Variants in ZDHHC2 observed in about 807,000 individuals in gnomAD.
The protein encoded by ZDHHC2 is zDHHC palmitoyltransferase 2.
A neutral mutation model predicts 55.6 loss-of-function variants in ZDHHC2; 51 were observed. The observed-to-expected ratio is 0.92, with a 90% confidence interval of 0.73 to 1.16. ZDHHC2 has a LOEUF of 1.16. Among genes scored for constraint, ZDHHC2 ranks in the 50% most tolerant of loss-of-function variants. The probability of loss-of-function intolerance (pLI) is 0.00; values close to 1 mark genes in which losing one functional copy is unlikely to be tolerated. For missense variants in ZDHHC2, 491 were observed against 442.4 expected, an observed-to-expected ratio of 1.11 and a Z score of -0.99; for synonymous variants, 199 against 152.9, an observed-to-expected ratio of 1.30 and a Z score of -2.22.
chr8:17,162,980 G>A (rs1804422306), intron 1 of ZDHHC2: 1 of 152,262 alleles, frequency 6.6e-6, no homozygotes, highest in Non-Finnish European at 1.5e-5. Flanking sequence ...TTAAGCAGCA[G>A]TGTTTGCCTC....
In ZDHHC2 at chr8:17,223,341, C is replaced by T. The variant is rs1426494027; in HGVS notation, c.*3120C>T. ...GATGGTGTCCTCCAGCACAACCATC[C>T]CACCCACACACCTAGACTACAGATT... On this transcript the variant is annotated 3_prime_UTR_variant, in exon 13 of 13. Transcript: ENST00000262096. 6.6e-6 allele frequency: 1 copy of T among 151,702 alleles called. No homozygotes were observed. The highest frequency in any genetic ancestry group is 1.5e-5 in the Non-Finnish European group (1 of 67,756). The allele number at this position is 151,702 out of a possible 1,614,324, so 9.4% of individuals were successfully genotyped here.
chr8:17,197,430 G>A (rs1160172714), intron 4 of ZDHHC2, among the ~76,000 whole-genome samples, 152 bp from the exon 5 acceptor site: 3 of 152,070 alleles, frequency 2.0e-5, no homozygotes, highest in Non-Finnish European at 1.5e-5. Flanking sequence ...TTCCATTTTT[G>A]TATTTAAACA....
chr8:17,202,663 G>A (rs1173867651), intron 6 of ZDHHC2, among the ~76,000 whole-genome samples: 1 of 151,826 alleles, frequency 6.6e-6, no homozygotes, highest in Admixed American at 6.6e-5. Flanking sequence ...GCCAAAAGCT[G>A]TCTATTGTGA....
At chr8:17,209,812 C>T (rs1807285800) in intron 8 of ZDHHC2, 120 bp from the exon 9 acceptor site, 1 of 1,212,214 alleles carries the variant, frequency 8.2e-7, no homozygotes, top group African/African-American at 1.6e-5. Flanking sequence ...CATAAGCCCT[C>T]ACAGTCAGCT....
chr8:17,199,953 C>CA (rs1806657577), intron 6 of ZDHHC2, among the ~76,000 whole-genome samples: 1 of 151,962 alleles, frequency 6.6e-6, no homozygotes, highest in Non-Finnish European at 1.5e-5. Context: ...GAGTCGGTTT[C>CA]ACCATATTGG....
chr8:17,174,365 T>C (rs1805020431), intron 1 of ZDHHC2, among the ~76,000 whole-genome samples: 1 of 152,166 alleles, frequency 6.6e-6, no homozygotes, highest in African/African-American at 2.4e-5. Context: ...ATGACAGCTG[T>C]AGCAAATACA....
rs560951348 is a variant in ZDHHC2 at position 17,201,177 on chromosome 8, C to T, written c.476+2764C>T. 2.6e-4 allele frequency among the ~76,000 whole-genome samples: 39 copies of T among 152,336 alleles called. 1 individual carries two copies. The highest frequency in any genetic ancestry group is 6.2e-4 in the South Asian group (3 of 4,832). ...TCCCAGTCCCTCTCCCCACCTTCTT[C>T]CACTATGCACAGAGAACCAGGATTG... On this transcript the variant is annotated intron_variant, in intron 6 of 12. Transcript: ENST00000262096.
chr8:17,160,179 C>T (rs534348930), intron 1 of ZDHHC2, among the ~76,000 whole-genome samples: 201 of 152,334 alleles, frequency 1.3e-3, no homozygotes, highest in Non-Finnish European at 1.8e-3. Flanking sequence ...TAAGTGCTAA[C>T]ATTTAAATTG....
Position 17,221,579 on chromosome 8 carries a change from A to G in ZDHHC2, c.*1358A>G, listed in dbSNP as rs946129056. The G allele has an allele frequency of 1.3e-5, 2 of 152,540 alleles. No homozygotes were observed. Among genetic ancestry groups the G allele is most frequent in the East Asian group, 3.9e-4 (2 of 5,186 alleles). 9.4% of individuals were successfully genotyped at this position (152,540 alleles called of 1,614,324 possible). A position where few individuals can be genotyped will look rare whatever the true frequency, so the allele number is the denominator to read the frequency against. On this transcript the variant is annotated 3_prime_UTR_variant, in exon 13 of 13. Coordinates refer to ENST00000262096, the MANE Select transcript of ZDHHC2 (RefSeq NM_016353.5). The stretch of plus-strand genomic sequence containing the variant: ...ATAAACTTTTCAAAATCTTTGTTAA[A>G]CCAAACATTCAACACAAAATAAACT...
chr8:17,183,153 A>G (rs1805522429), intron 1 of ZDHHC2, among the ~76,000 whole-genome samples: 1 of 152,210 alleles, frequency 6.6e-6, no homozygotes, highest in Admixed American at 6.5e-5. Context: ...TTTGTATGCA[A>G]GCACCAGCAC....
At chr8:17,186,848 G>A (rs369265255) in intron 3 of ZDHHC2, among the ~76,000 whole-genome samples, 6 of 152,306 alleles carry the variant, frequency 3.9e-5, no homozygotes, top group African/African-American at 1.4e-4. Context: ...AAAGTCTGTA[G>A]CTAGTCCACA....
At chr8:17,181,243 T>C (rs1805418132) in intron 1 of ZDHHC2, among the ~76,000 whole-genome samples, 1 of 152,216 alleles carries the variant, frequency 6.6e-6, no homozygotes, top group Non-Finnish European at 1.5e-5. Context: ...TCTAAGTCAG[T>C]CTCTTACTCA....
At chr8:17,198,040 G>T (rs936798579) in intron 5 of ZDHHC2, among the ~76,000 whole-genome samples, 2 of 152,172 alleles carry the variant, frequency 1.3e-5, no homozygotes, top group Non-Finnish European at 2.9e-5. Flanking sequence ...TGATATTGAA[G>T]GGGAAGTTTT....
intron 3 of ZDHHC2, among the ~76,000 whole-genome samples, chr8:17,191,612 G>A (rs1242918743): frequency 6.6e-6 from 1 of 152,114 alleles, no homozygotes; most frequent in Non-Finnish European, 1.5e-5. Context: ...TAATGACCTC[G>A]AGTTCCATTC....
In ZDHHC2 at chr8:17,195,150, A is replaced by G. The variant is rs140335507; in HGVS notation, c.253-354A>G. 6.6e-3 allele frequency among the ~76,000 whole-genome samples: 1,005 copies of G among 152,300 alleles called. 13 individuals carry two copies. Among genetic ancestry groups the G allele is most frequent in the African/African-American group, 0.023 (945 of 41,570 alleles). On this transcript the variant is annotated intron_variant, in intron 3 of 12. Transcript: ENST00000262096. ...AATGATCTAAATGAAAAATTTATTC[A>G]TTGAGTTATGTTTATTCATTGGGCC...
chr8:17,209,901 C>G, intron 8 of ZDHHC2, 31 bp from the exon 9 acceptor site: 1 of 1,587,914 alleles, frequency 6.3e-7, no homozygotes, highest in Non-Finnish European at 8.6e-7. Flanking sequence ...ATGTTCTTTA[C>G]TCATGTGATT....
chr8:17,197,442 C>A, intron 4 of ZDHHC2, 140 bp from the exon 5 acceptor site: 1 of 721,932 alleles, frequency 1.4e-6, no homozygotes, highest in Non-Finnish European at 2.2e-6. Flanking sequence ...ATTTAAACAG[C>A]ATCAAATATC....
chr8:17,216,022 CAATATT>C (rs1424972181), intron 11 of ZDHHC2, among the ~76,000 whole-genome samples: 1 of 152,110 alleles, frequency 6.6e-6, no homozygotes, highest in East Asian at 1.9e-4. Flanking sequence ...ACCTATTTCT[CAATATT>C]GATAAGGAGT....
intron 3 of ZDHHC2, among the ~76,000 whole-genome samples, chr8:17,191,547 G>GT (rs1806031026): frequency 6.6e-6 from 1 of 152,190 alleles, no homozygotes; most frequent in East Asian, 1.9e-4. Flanking sequence ...GCTCCCACAA[G>GT]TAAGTGAGAG....
Sources: allele counts gnomAD v4.1 joint callset (sites outside exome capture counted in the v4.1 genomes callset), GRCh38; gene constraint gnomAD v4.1.1; transcripts MANE v1.5; gene names NCBI Gene and HGNC (gene_info 2026-07-23, HGNC 2026-07-21).